Variants in ZMYM4 observed in about 807,000 individuals in gnomAD.
ZMYM4 encodes the protein zinc finger MYM-type protein 4.
In ZMYM4, 31 loss-of-function variants were observed where a neutral mutation model predicts 183.2. The observed-to-expected ratio is 0.17, with a 90% CI of 0.13 to 0.23. The LOEUF (loss-of-function observed/expected upper bound fraction) is 0.23. Ranked by LOEUF, ZMYM4 falls within the 10% of genes least tolerant of loss-of-function variation. ZMYM4 has a pLI of 1.00. For synonymous variants in ZMYM4, 592 were observed against 631.2 expected (o/e 0.94, Z 0.93); for missense variants, 1,273 against 1,840.3 (o/e 0.69, Z 5.64).
chr1:35,387,764 C>G (rs1180315485), intron 13 of ZMYM4, among the ~76,000 whole-genome samples, 160 bp downstream of exon 13: 2 of 152,064 alleles, frequency 1.3e-5, no homozygotes, highest in African/African-American at 4.8e-5. Context: ...CTTTTTTGAT[C>G]TAGTTTTCTT....
At chr1:35,290,603 A>AT in intron 1 of ZMYM4, among the ~76,000 whole-genome samples, 1 of 151,076 alleles carries the variant, frequency 6.6e-6, no homozygotes, top group Middle Eastern at 3.4e-3. Context: ...CTCATTTTTC[A>AT]TTTTTTGTAG....
At chr1:35,404,285 G>A (rs567417352) in intron 23 of ZMYM4, among the ~76,000 whole-genome samples, 49 of 152,046 alleles carry the variant, frequency 3.2e-4, no homozygotes, top group Non-Finnish European at 5.9e-4. Flanking sequence ...GGCTTATTTC[G>A]AACTCCTGGG....
chr1:35,275,099 T>C (rs1639805226), intron 1 of ZMYM4, among the ~76,000 whole-genome samples: 1 of 152,210 alleles, frequency 6.6e-6, no homozygotes, highest in Non-Finnish European at 1.5e-5. Flanking sequence ...CCCTAAGAAA[T>C]ACATTTTTGT....
intron 26 of ZMYM4, among the ~76,000 whole-genome samples, chr1:35,409,939 C>CA (rs141418759): frequency 0.085 from 9,973 of 116,766 alleles, 449 homozygotes; most frequent in East Asian, 0.27. Context: ...GACTCTGTCT[C>CA]AAAAAAAAAA....
At chr1:35,338,890 C>T (rs1013025041) in intron 2 of ZMYM4, among the ~76,000 whole-genome samples, 1 of 152,212 alleles carries the variant, frequency 6.6e-6, no homozygotes, top group Non-Finnish European at 1.5e-5. Flanking sequence ...GAATAAACTT[C>T]TCATTCATCT....
chr1:35,315,052 AC>A (rs1356824167), intron 1 of ZMYM4, among the ~76,000 whole-genome samples: 3 of 141,770 alleles, frequency 2.1e-5, no homozygotes, highest in African/African-American at 5.3e-5. Context: ...AACAAAAAAA[AC>A]AAAAGTAATT....
In ZMYM4 at chr1:35,381,328, C is replaced by T; in HGVS notation, c.1251C>T (p.Cys417=). ...FENTTTSKDF[C]SQSCLSTYEL... is the part of the protein sequence containing the mutation. ...ACACCACCACTAGTAAAGATTTTTG[C>T]AGTCAGTCATGTTTGTCAACATATG... Residue 417 remains cysteine, a synonymous_variant, in exon 8 of 30, where the codon TGC becomes TGT. Coordinates refer to ENST00000314607, the MANE Select transcript of ZMYM4 (RefSeq NM_005095.3). 1 of 1,612,884 alleles carries T rather than the reference C, an allele frequency of 6.2e-7. No homozygotes were observed.
intron 7 of ZMYM4, among the ~76,000 whole-genome samples, chr1:35,373,426 G>T (rs1374924915): frequency 6.8e-6 from 1 of 147,202 alleles, no homozygotes; most frequent in Non-Finnish European, 1.5e-5. Flanking sequence ...CGCCCAGGCT[G>T]GAGTGCAGTG....
intron 1 of ZMYM4, among the ~76,000 whole-genome samples, chr1:35,298,196 C>G (rs1393891640): frequency 1.3e-5 from 2 of 152,152 alleles, no homozygotes; most frequent in Non-Finnish European, 2.9e-5. Context: ...AAAATGCCCC[C>G]CTGGGGTGCC....
At chr1:35,370,676 ACAT>A in intron 7 of ZMYM4, 49 bp downstream of exon 7, 1 of 1,509,916 alleles carries the variant, frequency 6.6e-7, no homozygotes, top group South Asian at 1.4e-5. Flanking sequence ...CTTTCTCTTA[ACAT>A]ACTTTGTTCT....
intron 25 of ZMYM4, 77 bp from the exon 26 acceptor site, chr1:35,407,931 T>G (rs968185012): frequency 3.2e-6 from 5 of 1,577,924 alleles, no homozygotes; most frequent in Non-Finnish European, 4.3e-6. Context: ...ACAGTAGTGT[T>G]CAATGTTTAT....
intron 1 of ZMYM4, among the ~76,000 whole-genome samples, chr1:35,278,180 C>G (rs1639966795): frequency 6.6e-6 from 1 of 152,006 alleles, no homozygotes; most frequent in South Asian, 2.1e-4. Flanking sequence ...ATCTTCTTTT[C>G]TGTCTCTTAG....
intron 1 of ZMYM4, among the ~76,000 whole-genome samples, chr1:35,316,848 T>C (rs1378486035): frequency 2.0e-5 from 3 of 152,008 alleles, no homozygotes; most frequent in Non-Finnish European, 2.9e-5. Flanking sequence ...AAAAATTCAA[T>C]TGGTGGCTCA....
chr1:35,280,167 C>T (rs1330995403), intron 1 of ZMYM4, among the ~76,000 whole-genome samples: 1 of 147,934 alleles, frequency 6.8e-6, no homozygotes, highest in African/African-American at 2.5e-5. Flanking sequence ...TTCCTCCCTT[C>T]CTCCCTTCCC....
intron 2 of ZMYM4, among the ~76,000 whole-genome samples, chr1:35,344,063 T>C (rs1643302727): frequency 6.8e-6 from 1 of 147,478 alleles, no homozygotes; most frequent in Non-Finnish European, 1.5e-5. Context: ...CTTTTTTCCT[T>C]TTTTTTTTTT....
intron 2 of ZMYM4, among the ~76,000 whole-genome samples, chr1:35,333,405 G>A (rs549238212): frequency 3.7e-4 from 56 of 151,926 alleles, no homozygotes; most frequent in East Asian, 1.9e-3. Flanking sequence ...CTACAGGTGC[G>A]CCACCACACC....
At chr1:35,309,931 G>GT (rs199635403) in intron 1 of ZMYM4, among the ~76,000 whole-genome samples, 18,489 of 135,912 alleles carry the variant, frequency 0.14, 1,815 homozygotes, top group East Asian at 0.44. Flanking sequence ...GTTTTTTTTT[G>GT]TTTTTTTTTT....
intron 2 of ZMYM4, among the ~76,000 whole-genome samples, chr1:35,346,650 C>CAAAAAAAAAAAAAAAA (rs746472685): frequency 2.2e-4 from 12 of 54,134 alleles, no homozygotes; most frequent in South Asian, 5.9e-4. Flanking sequence ...GACTCCATCT[C>CAAAAAAAAAAAAAAAA]AAAAAAAAAA....
intron 9 of ZMYM4, among the ~76,000 whole-genome samples, chr1:35,382,714 G>A (rs756622471): frequency 6.6e-6 from 1 of 151,992 alleles, no homozygotes; most frequent in Non-Finnish European, 1.5e-5. Flanking sequence ...CAATCCCTGT[G>A]CTGGGATTAC....
Sources: gnomAD v4.1 joint callset for allele counts (sites outside exome capture counted in the v4.1 genomes callset) on GRCh38, gnomAD v4.1.1 for gene constraint, MANE v1.5 for transcripts, NCBI Gene and HGNC (gene_info 2026-07-23, HGNC 2026-07-21) for gene names.